LRRC71: variants seen among roughly 807,000 people sequenced by gnomAD.
LRRC71 encodes the protein leucine rich repeat containing 71.
In LRRC71, 54 loss-of-function variants were observed where a neutral mutation model predicts 66.6. That is an observed-to-expected ratio of 0.81 (90% CI 0.65 to 1.02). The LOEUF (loss-of-function observed/expected upper bound fraction) is 1.02, where lower values mean the gene tolerates loss of function less well. LRRC71 is among the 50% of genes least tolerant of loss of function. The pLI is 0.00. For synonymous variants in LRRC71, 323 were observed against 303.9 expected (o/e 1.06, Z -0.65); for missense variants, 724 against 718.0 (o/e 1.01, Z -0.10).
At chr1:156,938,628 G>A in the LRRC71 span, 1 of 910,388 alleles carries the variant, frequency 1.1e-6, no homozygotes, top group Non-Finnish European at 1.7e-6. Flanking sequence ...AGGAGAAAAT[G>A]GGAAGAACAA....
chr1:156,939,846 A>G, the LRRC71 span: 1 of 1,612,394 alleles, frequency 6.2e-7, no homozygotes, highest in South Asian at 1.1e-5. Context: ...GCTCCTGGGC[A>G]GCCTGAGTTT....
At chr1:156,937,060 T>G, downstream of LRRC71, 1 of 1,591,000 alleles carries the variant, frequency 6.3e-7, no homozygotes, top group Non-Finnish European at 8.6e-7. Context: ...CTAAGGCCCC[T>G]GGGGAAGGGG....
intron 9 of LRRC71, 78 bp from the exon 10 acceptor site, chr1:156,929,202 G>A: frequency 6.6e-7 from 1 of 1,510,750 alleles, no homozygotes; most frequent in Non-Finnish European, 8.9e-7. Context: ...CCCAAGTATG[G>A]GTATAGCTAC....
Position 156,924,557 on chromosome 1 carries a change from G to GCC in LRRC71, c.439+8_439+9dup. 6.4e-7 allele frequency: 1 copy of GCC among 1,551,504 alleles called. No individual in the cohort carries two copies. Among genetic ancestry groups the GCC allele is most frequent in the Non-Finnish European group, 8.7e-7 (1 of 1,146,944 alleles). On this transcript the variant is annotated splice_donor_region_variant and intron_variant, in intron 3 of 14. Transcript: ENST00000337428. Reference sequence around the variant, plus strand: ...TGAAGGAAATCTACATCCGCGGTGAGCCCCGCTCCCCCCACCCGCCCCAGC... The same window carrying GCC: ...TGAAGGAAATCTACATCCGCGGTGAGCCCCCCGCTCCCCCCACCCGCCCCAGC...
At chr1:156,933,114 T>C (rs1471122753), downstream of LRRC71, 9 of 609,944 alleles carry the variant, frequency 1.5e-5, no homozygotes, top group Non-Finnish European at 2.6e-5. Flanking sequence ...AAAACTTTCT[T>C]CCAGAACTAC....
chr1:156,932,148 C>A, intron 13 of LRRC71, 121 bp downstream of exon 13: 3 of 824,108 alleles, frequency 3.6e-6, no homozygotes, highest in South Asian at 1.7e-5. Flanking sequence ...GGCTACATGT[C>A]CCCCAAGGCT....
At chr1:156,936,507 T>A (rs1438732679), downstream of LRRC71, among the ~76,000 whole-genome samples, 25 of 122,738 alleles carry the variant, frequency 2.0e-4, 2 homozygotes, top group African/African-American at 7.6e-4. Context: ...AATATATATA[T>A]ATATATATAT....
the LRRC71 span, chr1:156,938,345 G>C: frequency 7.1e-7 from 1 of 1,413,812 alleles, no homozygotes; most frequent in African/African-American, 1.4e-5. Context: ...CATGGGCAGG[G>C]GTCCGACTCT....
At chr1:156,936,526 A>ATATATATATATATATATAT (rs1655356160), downstream of LRRC71, among the ~76,000 whole-genome samples, 1 of 132,378 alleles carries the variant, frequency 7.6e-6, no homozygotes, top group African/African-American at 2.9e-5. Context: ...ATATATATAT[A>ATATATATATATATATATAT]AAATTAAAAA....
Position 156,924,564 on chromosome 1 carries a change from T to G in LRRC71, c.439+12T>G. 6.5e-7 allele frequency: 1 copy of G among 1,531,708 alleles called. No individual in the cohort carries two copies. Among genetic ancestry groups the G allele is most frequent in the Non-Finnish European group, 8.8e-7 (1 of 1,131,822 alleles). The allele number at this position is 1,531,708 out of a possible 1,614,324, so 94.9% of individuals were successfully genotyped here. ...AATCTACATCCGCGGTGAGCCCCGC[T>G]CCCCCCACCCGCCCCAGCTCCCTCC... On this transcript the variant is annotated intron_variant, in intron 3 of 14. Transcript: ENST00000337428.
chr1:156,936,102 G>T, downstream of LRRC71: 2 of 1,583,288 alleles, frequency 1.3e-6, no homozygotes, highest in Non-Finnish European at 1.7e-6. Flanking sequence ...AGCCTGAGGT[G>T]ACCGCTTCCA....
At chr1:156,923,640 G>A (rs1012727103) in intron 1 of LRRC71, among the ~76,000 whole-genome samples, 2 of 152,200 alleles carry the variant, frequency 1.3e-5, no homozygotes, top group African/African-American at 4.8e-5. Flanking sequence ...ACCTGGGAAA[G>A]GCGGAAGCCC....
rs1653345258 is a variant in LRRC71 at position 156,927,283 on chromosome 1, G to A, written c.662+13G>A. 1 of 1,612,210 alleles carries A rather than the reference G, an allele frequency of 6.2e-7. No individual in the cohort carries two copies. Among genetic ancestry groups the A allele is most frequent in the African/African-American group, 1.3e-5 (1 of 74,854 alleles). On this transcript the variant is annotated intron_variant, in intron 6 of 14. Transcript: ENST00000337428. ...CCTTGGACAGCACGTGAGACTCCCT[G>A]CCCTCACCCCCTTTCTCTGGGCCTG... is the stretch of plus-strand genomic sequence containing the variant.
Position 156,920,893 on chromosome 1 carries a change from A to G in LRRC71, c.90A>G (p.Gly30=). The G allele has an allele frequency of 1.9e-6, 3 of 1,539,576 alleles. No individual in the cohort carries two copies. The highest frequency in any genetic ancestry group is 1.8e-6 in the Non-Finnish European group (2 of 1,142,328). The change falls in exon 1 of 15, where the codon GGA becomes GGG. Residue 30 remains glycine (G), a synonymous_variant. Transcript: ENST00000337428. This position sits in a 1 kb window ranked among gnomAD's most constrained non-coding sequence, Gnocchi z 4.9. ...QKSSGAVTKK[G]ERAAKEKPAT... is the part of the protein sequence containing the mutation. ...CTTCTGGCGCGGTGACCAAAAAGGG[A>G]GAGCGCGCGGCCAAAGAGAAGCCAG...
Position 156,931,913 on chromosome 1 carries a change from C to G in LRRC71, c.1330-3C>G. 1 of 1,575,802 alleles carries G rather than the reference C, an allele frequency of 6.3e-7. No individual in the cohort carries two copies. Among genetic ancestry groups the G allele is most frequent in the South Asian group, 1.2e-5 (1 of 85,684 alleles). On this transcript the variant is annotated splice_region_variant and splice_polypyrimidine_tract_variant and intron_variant, in intron 12 of 14. Transcript: ENST00000337428. ...TGCTGCAATTAGTATTCTGCTTTAG[C>G]AGCTGGTTGTTGAGGCTACTGAGGT...
At position 156,931,999 on chromosome 1, in the gene LRRC71, C is replaced by T; in HGVS notation, c.1413C>T (p.Asn471=). 6.3e-7 allele frequency: 1 copy of T among 1,599,380 alleles called. No homozygotes were observed. The highest frequency in any genetic ancestry group is 8.5e-7 in the Non-Finnish European group (1 of 1,172,718). The change falls in exon 13 of 15, where the codon AAC becomes AAT. Residue 471 remains asparagine (N), a synonymous_variant. Coordinates refer to ENST00000337428, the MANE Select transcript of LRRC71 (RefSeq NM_144702.3). ...HRDGKVFMPG[N]KVLLHLNLIR... ...ATGGGAAAGTTTTCATGCCTGGGAA[C>T]AAGGTCCTTTTGCACCTCAACCTCA...
rs931026878 is a variant in LRRC71, at chr1:156,925,104, C to T, written c.593+89C>T. 33 of 1,271,440 alleles carry T rather than the reference C, an allele frequency of 2.6e-5. No homozygotes were observed. In the African/African-American group the frequency reaches 4.6e-4, roughly 18 times the overall value. The allele number at this position is 1,271,440 out of a possible 1,614,324, so 78.8% of individuals were successfully genotyped here. On this transcript the variant is annotated intron_variant, in intron 5 of 14. Coordinates refer to ENST00000337428, the MANE Select transcript of LRRC71 (RefSeq NM_144702.3). Reference sequence around the variant, plus strand: ...CAGTGTGGGGATGGAAGTGGCAGGTCCCAGCTCCTGTGGGCCTGCCTGGCA... The same window carrying T: ...CAGTGTGGGGATGGAAGTGGCAGGTTCCAGCTCCTGTGGGCCTGCCTGGCA...
At position 156,920,650 on chromosome 1, in the gene LRRC71, G is replaced by C. The variant is rs989826944; in HGVS notation, c.-154G>C. 2.1e-6 allele frequency: 2 copies of C among 953,996 alleles called. No homozygotes were observed. Among genetic ancestry groups the C allele is most frequent in the Non-Finnish European group, 2.8e-6 (2 of 715,176 alleles). The allele number at this position is 953,996 out of a possible 1,614,324, so 59.1% of individuals were successfully genotyped here. ...TCGCGCGGTTGTCTTGGAGAGGGAC[G>C]CGTAGGCTACGCCACCGCGGACGGG... On this transcript the variant is annotated 5_prime_UTR_variant, in exon 1 of 15. Transcript: ENST00000337428. This position sits in a 1 kb window ranked among gnomAD's most constrained non-coding sequence, Gnocchi z 4.9.
downstream of LRRC71, chr1:156,936,051 G>A (rs1427571494): frequency 5.0e-6 from 8 of 1,614,020 alleles, no homozygotes; most frequent in South Asian, 3.3e-5. Flanking sequence ...CCAGGGGGGC[G>A]TCAGAGCCTG....
Sources: allele counts gnomAD v4.1 joint callset (sites outside exome capture counted in the v4.1 genomes callset), GRCh38; gene constraint gnomAD v4.1.1; non-coding constraint Gnocchi (gnomAD v3.1); transcripts MANE v1.5; gene names NCBI Gene and HGNC (gene_info 2026-07-23, HGNC 2026-07-21).